Variants in SRP72 observed in about 807,000 individuals in gnomAD.
SRP72 encodes signal recognition particle subunit SRP72.
A neutral mutation model predicts 96.3 loss-of-function variants in SRP72; 49 were observed. The observed-to-expected ratio is 0.51, with a 90% CI of 0.40 to 0.65. The LOEUF (loss-of-function observed/expected upper bound fraction) is 0.65. Among genes scored for constraint, SRP72 ranks in the 30% least tolerant of loss-of-function variants. The pLI, the probability that SRP72 is intolerant of heterozygous loss-of-function variation, is 0.00. For synonymous variants in SRP72, 267 were observed against 275.2 expected (o/e 0.97, Z 0.30); for missense variants, 736 against 793.3 (o/e 0.93, Z 0.87).
At position 56,469,972 on chromosome 4, in the gene SRP72, GTT is replaced by G. The variant is rs150238707; in HGVS notation, c.230+215_230+216del. On this transcript the variant is annotated intron_variant, in intron 2 of 18. Transcript: ENST00000642900. ...CTTCTGTTTTTTTCAGCCTTAGAGAGTTTTTTTTTTTTTTTTTAACCACTGTG... is the reference window on the plus strand; with the variant it reads ...CTTCTGTTTTTTTCAGCCTTAGAGAGTTTTTTTTTTTTTTTAACCACTGTG... Among the ~76,000 whole-genome samples, 27,735 of 131,168 alleles carry G rather than the reference GTT, an allele frequency of 0.21. 2,944 individuals are homozygous for G. Among genetic ancestry groups the G allele is most frequent in the Admixed American group, 0.36 (4,792 of 13,268 alleles). 86.1% of individuals were successfully genotyped at this position (131,168 alleles called of 152,430 possible). A position where few individuals can be genotyped will look rare whatever the true frequency, so the allele number is the denominator to read the frequency against.
intron 16 of SRP72, among the ~76,000 whole-genome samples, chr4:56,493,072 C>G (rs1720962699): frequency 6.6e-6 from 1 of 152,156 alleles, no homozygotes; most frequent in Non-Finnish European, 1.5e-5. Flanking sequence ...GAGTCTTGCT[C>G]TGTTGCCCAG....
intron 9 of SRP72, among the ~76,000 whole-genome samples, chr4:56,483,534 G>A (rs564388242): frequency 2.0e-5 from 3 of 152,034 alleles, no homozygotes; most frequent in African/African-American, 7.2e-5. Context: ...GCAACATGGT[G>A]AAACCCTGTC....
chr4:56,469,813 CACTT>C (rs751418574), intron 2 of SRP72, 40 bp downstream of exon 2: 20 of 1,540,518 alleles, frequency 1.3e-5, no homozygotes, highest in Admixed American at 1.2e-4. Context: ...TTATTAGAAA[CACTT>C]ACTATAGCTA....
chr4:56,489,187 C>T (rs1720821656), intron 12 of SRP72: 2 of 413,504 alleles, frequency 4.8e-6, no homozygotes, highest in South Asian at 7.7e-5. Context: ...CAGATATCTA[C>T]CTTCATATTT....
intron 11 of SRP72, 73 bp from the exon 12 acceptor site, chr4:56,487,876 G>T: frequency 8.4e-7 from 1 of 1,192,328 alleles, no homozygotes; most frequent in South Asian, 1.4e-5. Flanking sequence ...GTGGGAGGAA[G>T]TAAAATTTCT....
chr4:56,501,877 T>C lies in SRP72; in HGVS notation c.*16T>C. The C allele has an allele frequency of 6.2e-7, 1 of 1,613,858 alleles. No homozygotes were observed. The highest frequency in any genetic ancestry group is 8.5e-7 in the Non-Finnish European group (1 of 1,179,898). ...TGGCTGGTGATGAGAATATTCTTGT[T>C]GCAGGCTGTTTTTAAACTAGTGTCA... On this transcript the variant is annotated 3_prime_UTR_variant, in exon 19 of 19. Transcript: ENST00000642900.
At chr4:56,473,586 A>ACACAGT (rs2110113275) in intron 3 of SRP72, among the ~76,000 whole-genome samples, 1 of 151,124 alleles carries the variant, frequency 6.6e-6, no homozygotes, top group Non-Finnish European at 1.5e-5. Context: ...CTGACCATGG[A>ACACAGT]GAAACCCCAT....
chr4:56,484,774 C>G lies in SRP72; in HGVS notation c.996C>G (p.Ser332=). The change falls in exon 10 of 19, where the codon TCC becomes TCG. Residue 332 remains serine, a synonymous_variant. Transcript: ENST00000642900. ...QCRKISASLQ[S]QSPEHLLPVL... The stretch of plus-strand genomic sequence containing the variant: ...GCAAAATATCTGCCAGTTTACAGTC[C>G]CAAAGTCCCGAGCATCTCTTACCTG... The G allele has an allele frequency of 6.2e-7, 1 of 1,614,044 alleles. No homozygotes were observed. Among genetic ancestry groups the G allele is most frequent in the Non-Finnish European group, 8.5e-7 (1 of 1,180,004 alleles).
intron 3 of SRP72, among the ~76,000 whole-genome samples, chr4:56,473,342 C>T (rs1224512101): frequency 6.6e-6 from 1 of 151,782 alleles, no homozygotes; most frequent in Admixed American, 6.6e-5. Context: ...CGCCTGGTCC[C>T]AGCTACTCGG....
chr4:56,496,966 T>C (rs770916397), intron 17 of SRP72, among the ~76,000 whole-genome samples: 44 of 152,062 alleles, frequency 2.9e-4, no homozygotes, highest in Non-Finnish European at 5.3e-4. Flanking sequence ...TCCAGCCTGG[T>C]GACAGAGTGA....
Position 56,474,203 on chromosome 4 carries a change from T to A in SRP72, c.498+6T>A. 1 of 1,614,146 alleles carries A rather than the reference T, an allele frequency of 6.2e-7. No individual in the cohort carries two copies. Among genetic ancestry groups the A allele is most frequent in the Non-Finnish European group, 8.5e-7 (1 of 1,180,024 alleles). On this transcript the variant is annotated splice_donor_region_variant and intron_variant, in intron 4 of 18. Coordinates refer to ENST00000642900, the MANE Select transcript of SRP72 (RefSeq NM_006947.4). Reference sequence around the variant, plus strand: ...ATTGGGAAAAAGTGGTTCCAGTGAGTATCCTTGTGGTGTACCCATACAGTC... The same window carrying A: ...ATTGGGAAAAAGTGGTTCCAGTGAGAATCCTTGTGGTGTACCCATACAGTC...
rs771075321 is a variant in SRP72 at position 56,484,738 on chromosome 4, T to G, written c.960T>G (p.Ala320=). Residue 320 remains alanine, a splice_region_variant and synonymous_variant, in exon 10 of 19, where the codon GCT becomes GCG. Transcript: ENST00000642900. ...TGTGGGGGTTGGATATCTTCTAGGCTGAACAATGCCGCAAAATATCTGCCA... is the reference window on the plus strand; with the variant it reads ...TGTGGGGGTTGGATATCTTCTAGGCGGAACAATGCCGCAAAATATCTGCCA... ...KALLAMYTNQ[A]EQCRKISASL... The G allele has an allele frequency of 3.7e-6, 6 of 1,614,032 alleles. No homozygotes were observed. In the African/African-American group the frequency reaches 8.0e-5, roughly 22 times the overall value.
chr4:56,492,027 C>T (rs776872929), intron 16 of SRP72, among the ~76,000 whole-genome samples: 1 of 152,124 alleles, frequency 6.6e-6, no homozygotes, highest in Non-Finnish European at 1.5e-5. Context: ...TTAGTAGAGA[C>T]AGGGTTTCAC....
chr4:56,482,987 C>G (rs899172547), intron 8 of SRP72, 152 bp from the exon 9 acceptor site: 1 of 595,064 alleles, frequency 1.7e-6, no homozygotes, highest in African/African-American at 1.9e-5. Context: ...TTCTGTGAAT[C>G]AGGATAAATT....
At chr4:56,486,509 T>C (rs1720715330) in intron 11 of SRP72, 112 bp downstream of exon 11, 2 of 781,038 alleles carry the variant, frequency 2.6e-6, no homozygotes, top group Admixed American at 3.3e-5. Flanking sequence ...TAAAGCATAA[T>C]AATTACTGTT....
chr4:56,487,875 A>G, intron 11 of SRP72, 74 bp from the exon 12 acceptor site: 1 of 1,135,820 alleles, frequency 8.8e-7, no homozygotes, highest in East Asian at 2.6e-5. Flanking sequence ...AGTGGGAGGA[A>G]GTAAAATTTC....
chr4:56,486,847 G>T (rs1210026270), intron 11 of SRP72, among the ~76,000 whole-genome samples: 1 of 152,164 alleles, frequency 6.6e-6, no homozygotes, highest in African/African-American at 2.4e-5. Flanking sequence ...AAAGGTAATA[G>T]AATTTAACGA....
chr4:56,493,004 A>T (rs1216001827), intron 16 of SRP72, among the ~76,000 whole-genome samples: 5 of 152,118 alleles, frequency 3.3e-5, no homozygotes, highest in Non-Finnish European at 7.4e-5. Flanking sequence ...ATAAGTTTTT[A>T]AAAGTTTTTT....
rs1720333872 is a variant in SRP72 at position 56,478,371 on chromosome 4, TC to T, written c.643-7del. The T allele has an allele frequency of 5.1e-6, 8 of 1,555,730 alleles. 1 individual carries two copies. The highest frequency in any genetic ancestry group is 1.4e-5 in the African/African-American group (1 of 72,086). On this transcript the variant is annotated splice_polypyrimidine_tract_variant and splice_region_variant and intron_variant, in intron 6 of 18. Transcript: ENST00000642900. The stretch of plus-strand genomic sequence containing the variant: ...AATTTATATGGGAAAAACATTTCTT[TC>T]TCTTAGGATGGGACTGAGGAAGACC...
Sources: gnomAD v4.1 joint callset for allele counts (sites outside exome capture counted in the v4.1 genomes callset) on GRCh38, gnomAD v4.1.1 for gene constraint, MANE v1.5 for transcripts, NCBI Gene and HGNC (gene_info 2026-07-23, HGNC 2026-07-21) for gene names.